PLCE1: variants seen among roughly 807,000 people sequenced by gnomAD.
PLCE1 encodes the protein phospholipase C epsilon 1, also known as 1-phosphatidylinositol 4,5-bisphosphate phosphodiesterase epsilon-1.
A neutral mutation model predicts 242.8 loss-of-function variants in PLCE1; 119 were observed. That is an observed-to-expected ratio of 0.49 (90% CI 0.42 to 0.57). PLCE1 has a LOEUF of 0.57. PLCE1 is among the 20% of genes least tolerant of loss of function. PLCE1 has a pLI of 0.00. For missense variants in PLCE1, 2,441 were observed against 2,788.8 expected (o/e 0.88, Z 2.81); for synonymous variants, 945 against 1,017.4 (o/e 0.93, Z 1.35).
In PLCE1 at chr10:94,265,695, G is replaced by A. The variant is rs1424595212; in HGVS notation, c.4102G>A (p.Glu1368Lys). ...GTGTCATCAGGGACTAATGTCATTT[G>A]AAGGGTTTGCCAGGTAACTTTTAAA... Reference protein sequence around the residue: ...SMCHQGLMSFEGFARFLMDKE... With the variant: ...SMCHQGLMSFKGFARFLMDKE... The change falls in exon 15 of 33, where the codon GAA becomes AAA. Residue 1368 changes from glutamate (E) to lysine (K), a missense_variant. Transcript: ENST00000371380. The A allele has an allele frequency of 6.2e-7, 1 of 1,613,764 alleles. No homozygotes were observed. Among genetic ancestry groups the A allele is most frequent in the Admixed American group, 1.7e-5 (1 of 59,994 alleles).
chr10:94,198,044 G>A (rs1336747333), intron 4 of PLCE1, among the ~76,000 whole-genome samples: 3 of 142,468 alleles, frequency 2.1e-5, no homozygotes, highest in Non-Finnish European at 4.6e-5. Flanking sequence ...GATGAAACCT[G>A]TTGGATGAAC....
chr10:94,071,494 C>CATTTTT (rs2044351149), intron 2 of PLCE1, among the ~76,000 whole-genome samples: 1 of 69,212 alleles, frequency 1.4e-5, no homozygotes, highest in Non-Finnish European at 2.4e-5. Flanking sequence ...GTTTGGTTTT[C>CATTTTT]GTTTTTTTTT....
chr10:94,176,025 G>A (rs1378989762), intron 4 of PLCE1, among the ~76,000 whole-genome samples: 1 of 152,112 alleles, frequency 6.6e-6, no homozygotes, highest in Non-Finnish European at 1.5e-5. Flanking sequence ...AATAAACATG[G>A]GAGTGCAGAT....
intron 31 of PLCE1, 96 bp downstream of exon 31, chr10:94,324,663 G>T (rs937542428): frequency 1.1e-5 from 12 of 1,123,934 alleles, no homozygotes; most frequent in Non-Finnish European, 1.5e-5. Flanking sequence ...TTAGGAGAAA[G>T]TTCCTGAGTC....
chr10:94,254,976 GCTGCC>G lies in PLCE1; in HGVS notation c.3482_3486del (p.Ala1161GlyfsTer28), dbSNP rs1263251137. The G allele has an allele frequency of 6.2e-7, 1 of 1,614,088 alleles. No individual in the cohort carries two copies. Among genetic ancestry groups the G allele is most frequent in the South Asian group, 1.1e-5 (1 of 91,074 alleles). ...GACCACAGCTGGGTCCCCCAACTTG[GCTGCC>G]GGGACGTCATCTCCCATCAGGCCAG... On this transcript the variant is annotated frameshift_variant, in exon 11 of 33. Transcript: ENST00000371380. LOFTEE classifies it high-confidence loss of function.
chr10:94,209,189 ACAT>A (rs1265546738), intron 4 of PLCE1, among the ~76,000 whole-genome samples: 18 of 152,140 alleles, frequency 1.2e-4, no homozygotes, highest in African/African-American at 4.3e-4. Flanking sequence ...AAATACTAAA[ACAT>A]GTCCAGTATT....
intron 4 of PLCE1, among the ~76,000 whole-genome samples, chr10:94,208,570 T>G (rs2049238204): frequency 6.6e-6 from 1 of 152,180 alleles, no homozygotes; most frequent in Non-Finnish European, 1.5e-5. Flanking sequence ...AATCTGCATT[T>G]TAATAAGATC....
intron 2 of PLCE1, among the ~76,000 whole-genome samples, chr10:94,087,349 CAAAAAAAAA>C (rs57482986): frequency 6.7e-4 from 45 of 67,520 alleles, no homozygotes; most frequent in African/African-American, 2.5e-3. Context: ...GACCCTGTCT[CAAAAAAAAA>C]AAAAAAAAAA....
At chr10:93,994,450 G>T (rs2060782341) in intron 1 of PLCE1, among the ~76,000 whole-genome samples, 192 bp downstream of exon 1, 1 of 152,268 alleles carries the variant, frequency 6.6e-6, no homozygotes, top group Non-Finnish European at 1.5e-5. Context: ...CCTCGCAGGG[G>T]CTAAAGGACA....
chr10:94,231,465 T>C (rs922467355), intron 5 of PLCE1, among the ~76,000 whole-genome samples: 1 of 152,106 alleles, frequency 6.6e-6, no homozygotes, highest in African/African-American at 2.4e-5. Flanking sequence ...TAGCTCTCCC[T>C]CCCTCAACCC....
chr10:94,128,230 C>T (rs75650632), intron 2 of PLCE1, among the ~76,000 whole-genome samples: 3,599 of 152,258 alleles, frequency 0.024, 129 homozygotes, highest in African/African-American at 0.082. Context: ...TTGTGATCCA[C>T]CCACTTCTGC....
intron 20 of PLCE1, 43 bp from the exon 21 acceptor site, chr10:94,283,747 G>A (rs1409410836): frequency 1.9e-6 from 3 of 1,598,576 alleles, no homozygotes; most frequent in Admixed American, 3.4e-5. Context: ...CTTAAGTGAA[G>A]CATTGGGTTC....
chr10:94,190,618 C>T (rs2048629360), intron 4 of PLCE1, among the ~76,000 whole-genome samples: 1 of 152,160 alleles, frequency 6.6e-6, no homozygotes, highest in Non-Finnish European at 1.5e-5. Context: ...AAAACAACAA[C>T]AACAACGAAA....
At position 94,186,246 on chromosome 10, in the gene PLCE1, G is replaced by A. The variant is rs76642256; in HGVS notation, c.1809+14750G>A. On this transcript the variant is annotated intron_variant, in intron 4 of 32. Transcript: ENST00000371380. ...CCTTCTCTCAATTGGGTAATTCTCC[G>A]CTCTTAATTCCTGCTAAATTAATTG... 1.3e-3 allele frequency among the ~76,000 whole-genome samples: 195 copies of A among 152,180 alleles called. 3 individuals are homozygous for A. The East Asian group carries it at 0.031, about 24-fold the overall frequency.
chr10:94,232,698 G>T (rs940027770), intron 5 of PLCE1, among the ~76,000 whole-genome samples: 1 of 152,112 alleles, frequency 6.6e-6, no homozygotes, highest in South Asian at 2.1e-4. Context: ...CTTTCTGCTA[G>T]GGTCGCCTCA....
intron 1 of PLCE1, among the ~76,000 whole-genome samples, chr10:94,004,533 G>A (rs867282408): frequency 6.6e-6 from 1 of 152,320 alleles, no homozygotes; most frequent in South Asian, 2.1e-4. Context: ...AACTGACCCA[G>A]AGATTTAGCT....
rs1247155880 is a variant in PLCE1, at chr10:94,019,717, C to T, written c.-364-10966C>T. Among the ~76,000 whole-genome samples the T allele has an allele frequency of 5.9e-5, 9 of 152,158 alleles. No homozygotes were observed. In the South Asian group the frequency reaches 1.0e-3, roughly 18 times the overall value. ...TACTTAATTTAAATTTAAATAACTG[C>T]GTGTGGCTAGTGCCCACAGTATTAG... On this transcript the variant is annotated intron_variant, in intron 1 of 32. Coordinates refer to ENST00000371380, the MANE Select transcript of PLCE1 (RefSeq NM_016341.4).
chr10:94,190,451 T>G (rs558298447), intron 4 of PLCE1, among the ~76,000 whole-genome samples: 6 of 152,112 alleles, frequency 3.9e-5, no homozygotes, highest in Middle Eastern at 3.4e-3. Flanking sequence ...TCTACAAATT[T>G]AAAAACTAAC....
Position 94,031,880 on chromosome 10 carries a change from A to G in PLCE1, c.834A>G (p.Ser278=). ...GSCEKVDMVY[S]GDSFCRKDFT... ...GTGAGAAGGTTGACATGGTATATTC[A>G]GGTGATAGCTTTTGTAGGAAAGACT... Residue 278 remains serine (S), a synonymous_variant, in exon 2 of 33, where the codon TCA becomes TCG. Coordinates refer to ENST00000371380, the MANE Select transcript of PLCE1 (RefSeq NM_016341.4). 1 of 1,613,884 alleles carries G rather than the reference A, an allele frequency of 6.2e-7. No homozygotes were observed. The highest frequency in any genetic ancestry group is 8.5e-7 in the Non-Finnish European group (1 of 1,179,856).
Sources: gnomAD v4.1 joint callset for allele counts (sites outside exome capture counted in the v4.1 genomes callset) on GRCh38, gnomAD v4.1.1 for gene constraint, MANE v1.5 for transcripts, NCBI Gene and HGNC (gene_info 2026-07-23, HGNC 2026-07-21) for gene names.